CTDSPL2: variants seen among roughly 807,000 people sequenced by gnomAD.
CTDSPL2 encodes CTD small phosphatase like 2, also known as CTD small phosphatase-like protein 2.
Under a neutral mutation model 60.0 loss-of-function variants are expected in CTDSPL2, and 5 were observed. That is an observed-to-expected ratio of 0.08 (90% CI 0.04 to 0.18). The LOEUF (loss-of-function observed/expected upper bound fraction) is 0.18. Among genes scored for constraint, CTDSPL2 ranks in the 10% least tolerant of loss-of-function variants. The probability of loss-of-function intolerance (pLI) is 1.00; values close to 1 mark genes in which losing one functional copy is unlikely to be tolerated. For synonymous variants in CTDSPL2, 186 were observed against 189.3 expected, an observed-to-expected ratio of 0.98 and a Z score of 0.14; for missense variants, 370 against 548.8, an observed-to-expected ratio of 0.67 and a Z score of 3.26.
chr15:44,503,043 T>G (rs571152219), intron 8 of CTDSPL2, among the ~76,000 whole-genome samples: 1 of 152,298 alleles, frequency 6.6e-6, no homozygotes, highest in Admixed American at 6.5e-5. Flanking sequence ...GAAAGATCTA[T>G]CTCAAATTAA....
At chr15:44,509,735 T>C (rs1163857889) in intron 8 of CTDSPL2, among the ~76,000 whole-genome samples, 1 of 151,682 alleles carries the variant, frequency 6.6e-6, no homozygotes, top group Non-Finnish European at 1.5e-5. Flanking sequence ...TCACTTGCCT[T>C]GCTGACATGT....
At chr15:44,436,437 T>G (rs2079983548) in intron 1 of CTDSPL2, among the ~76,000 whole-genome samples, 1 of 152,260 alleles carries the variant, frequency 6.6e-6, no homozygotes, top group Non-Finnish European at 1.5e-5. Flanking sequence ...GATTAATTAA[T>G]GACTCATCTC....
At chr15:44,512,594 A>G (rs752827985) in intron 8 of CTDSPL2, among the ~76,000 whole-genome samples, 2 of 152,340 alleles carry the variant, frequency 1.3e-5, no homozygotes, top group Non-Finnish European at 2.9e-5. Context: ...TTGGCTTACC[A>G]AAGAAGGTGT....
At chr15:44,443,962 G>A (rs542241114) in intron 1 of CTDSPL2, among the ~76,000 whole-genome samples, 169 of 152,160 alleles carry the variant, frequency 1.1e-3, no homozygotes, top group Admixed American at 5.8e-3. Context: ...GAGTGTAGTG[G>A]TGCACTTGTA....
intron 1 of CTDSPL2, among the ~76,000 whole-genome samples, chr15:44,457,452 T>C (rs147419489): frequency 6.6e-6 from 1 of 152,224 alleles, no homozygotes; most frequent in East Asian, 1.9e-4. Flanking sequence ...CTTATGCAGC[T>C]TCTTCACCTC....
At chr15:44,451,342 T>C (rs762061452) in intron 1 of CTDSPL2, among the ~76,000 whole-genome samples, 8 of 152,046 alleles carry the variant, frequency 5.3e-5, no homozygotes, top group Non-Finnish European at 1.2e-4. Context: ...ATTCCTGGGC[T>C]CAAGCAATCC....
At chr15:44,471,438 T>C (rs1338793367) in intron 2 of CTDSPL2, among the ~76,000 whole-genome samples, 3 of 152,180 alleles carry the variant, frequency 2.0e-5, no homozygotes, top group Non-Finnish European at 2.9e-5. Flanking sequence ...TTTTTTGATA[T>C]AAAAAGCTGT....
Position 44,527,029 on chromosome 15 carries a change from C to T in CTDSPL2, c.*2855C>T, listed in dbSNP as rs2081886727. 1 of 152,434 alleles carries T rather than the reference C, an allele frequency of 6.6e-6. No individual in the cohort carries two copies. The highest frequency in any genetic ancestry group is 2.1e-4 in the South Asian group (1 of 4,822). The allele number at this position is 152,434 out of a possible 1,614,324, so 9.4% of individuals were successfully genotyped here. On this transcript the variant is annotated 3_prime_UTR_variant, in exon 13 of 13. Coordinates refer to ENST00000260327, the MANE Select transcript of CTDSPL2 (RefSeq NM_016396.3). ...TTAATTCCATGTAATATATGTAGCC[C>T]TCATCAGATTTATATCACCATATTT... is the stretch of plus-strand genomic sequence containing the variant.
At chr15:44,486,436 G>A in intron 3 of CTDSPL2, 115 bp from the exon 4 acceptor site, 1 of 685,384 alleles carries the variant, frequency 1.5e-6, no homozygotes, top group Non-Finnish European at 2.3e-6. Context: ...ACATTAATTA[G>A]CTTTCGTGAA....
At chr15:44,446,378 A>C (rs2080214958) in intron 1 of CTDSPL2, among the ~76,000 whole-genome samples, 1 of 152,182 alleles carries the variant, frequency 6.6e-6, no homozygotes, top group Non-Finnish European at 1.5e-5. Context: ...CTGTAATCCC[A>C]GCACTTTGGG....
intron 2 of CTDSPL2, among the ~76,000 whole-genome samples, chr15:44,461,385 A>G (rs147020852): frequency 2.2e-4 from 33 of 152,140 alleles, no homozygotes; most frequent in African/African-American, 7.2e-4. Context: ...TGTGTATTCT[A>G]TACTGTATTC....
At chr15:44,517,798 C>T (rs953775989) in intron 10 of CTDSPL2, among the ~76,000 whole-genome samples, 1 of 152,164 alleles carries the variant, frequency 6.6e-6, no homozygotes, top group Non-Finnish European at 1.5e-5. Flanking sequence ...TTTCCAGTTT[C>T]CTCATATCTA....
At chr15:44,523,455 A>G (rs1308112124) in intron 12 of CTDSPL2, among the ~76,000 whole-genome samples, 1 of 151,812 alleles carries the variant, frequency 6.6e-6, no homozygotes, top group Non-Finnish European at 1.5e-5. Context: ...TAAGCAAGCA[A>G]GCTTGCTGGG....
chr15:44,447,254 T>A (rs1414877301), intron 1 of CTDSPL2, among the ~76,000 whole-genome samples: 10 of 152,170 alleles, frequency 6.6e-5, no homozygotes, highest in Non-Finnish European at 1.5e-4. Context: ...CCTTTTCATG[T>A]TCAGGTAAAT....
At chr15:44,476,026 C>G (rs1465787566) in intron 2 of CTDSPL2, among the ~76,000 whole-genome samples, 1 of 152,178 alleles carries the variant, frequency 6.6e-6, no homozygotes, top group Non-Finnish European at 1.5e-5. Context: ...CTTCTTACCT[C>G]CCTGTTGTAA....
At chr15:44,459,272 A>G (rs1016911123) in intron 2 of CTDSPL2, 72 bp downstream of exon 2, 29 of 1,121,320 alleles carry the variant, frequency 2.6e-5, no homozygotes, top group Non-Finnish European at 3.4e-5. Context: ...TCACGCCTGT[A>G]ATCCCAGCAC....
At chr15:44,522,043 A>G (rs1044961242) in intron 12 of CTDSPL2, among the ~76,000 whole-genome samples, 2 of 151,168 alleles carry the variant, frequency 1.3e-5, no homozygotes, top group Non-Finnish European at 2.9e-5. Context: ...TGCATTTTCA[A>G]ACTTTTTTGA....
chr15:44,470,225 A>C lies in CTDSPL2; in HGVS notation c.186+11025A>C, dbSNP rs915405026. On this transcript the variant is annotated intron_variant, in intron 2 of 12. Coordinates refer to ENST00000260327, the MANE Select transcript of CTDSPL2 (RefSeq NM_016396.3). ...TTATTTTTGTGCATTTGTCTACTTC[A>C]TTATCTGTCAATATTTGCTTCATGT... Among the ~76,000 whole-genome samples, 5 of 151,522 alleles carry C rather than the reference A, an allele frequency of 3.3e-5. No homozygotes were observed. The East Asian group carries it at 9.7e-4, about 29-fold the overall frequency.
At chr15:44,452,863 G>GT (rs1295239353) in intron 1 of CTDSPL2, among the ~76,000 whole-genome samples, 1 of 151,904 alleles carries the variant, frequency 6.6e-6, no homozygotes, top group Non-Finnish European at 1.5e-5. Flanking sequence ...ATTTTTGCCT[G>GT]TTTTTTCTAT....
Sources: gnomAD v4.1 joint callset for allele counts (sites outside exome capture counted in the v4.1 genomes callset) on GRCh38, gnomAD v4.1.1 for gene constraint, MANE v1.5 for transcripts, NCBI Gene and HGNC (gene_info 2026-07-23, HGNC 2026-07-21) for gene names.